ANKRD13D: variants seen among roughly 807,000 people sequenced by gnomAD.
ANKRD13D encodes the protein ankyrin repeat domain 13D, also known as ankyrin repeat domain-containing protein 13D.
Under a neutral mutation model 68.8 loss-of-function variants are expected in ANKRD13D, and 24 were observed. That is an observed-to-expected ratio of 0.35 (90% confidence interval 0.25 to 0.49). ANKRD13D has a LOEUF of 0.49. ANKRD13D is among the 20% of genes least tolerant of loss of function. ANKRD13D has a pLI of 0.99. For synonymous variants in ANKRD13D, 331 were observed against 336.1 expected (o/e 0.98, Z 0.16); for missense variants, 735 against 832.1 (o/e 0.88, Z 1.44).
Position 67,302,474 on chromosome 11 carries a change from C to A in ANKRD13D, c.*142C>A. ...GGAGACTGAGATGGAAATAAAGAGA[C>A]TGTCGCAGCAGGGCTGCTCTGCTCA... On this transcript the variant is annotated 3_prime_UTR_variant, in exon 15 of 15. Coordinates refer to ENST00000511455, the MANE Select transcript of ANKRD13D (RefSeq NM_207354.3). 1 of 1,288,864 alleles carries A rather than the reference C, an allele frequency of 7.8e-7. No homozygotes were observed. Among genetic ancestry groups the A allele is most frequent in the Non-Finnish European group, 1.0e-6 (1 of 971,182 alleles). 79.8% of individuals were successfully genotyped at this position (1,288,864 alleles called of 1,614,324 possible). A position where few individuals can be genotyped will look rare whatever the true frequency, so the allele number is the denominator to read the frequency against.
At chr11:67,295,420 A>T (rs1418251282) in intron 6 of ANKRD13D, among the ~76,000 whole-genome samples, 1 of 138,656 alleles carries the variant, frequency 7.2e-6, no homozygotes, top group Non-Finnish European at 1.6e-5. Context: ...CCATCTCAAA[A>T]AAAAAGGGGG....
chr11:67,301,957 A>G lies in ANKRD13D; in HGVS notation c.1604+134A>G. 2 of 1,329,226 alleles carry G rather than the reference A, an allele frequency of 1.5e-6. No individual in the cohort carries two copies. Among genetic ancestry groups the G allele is most frequent in the South Asian group, 3.0e-5 (2 of 66,918 alleles). The allele number at this position is 1,329,226 out of a possible 1,614,324, so 82.3% of individuals were successfully genotyped here. A position where few individuals can be genotyped will look rare whatever the true frequency, so the allele number is the denominator to read the frequency against. On this transcript the variant is annotated intron_variant, in intron 14 of 14. Transcript: ENST00000511455. The surrounding 1 kb of genome is among the most constrained non-coding windows in gnomAD (Gnocchi z 4.5). Reference sequence around the variant, plus strand: ...TCTGTCAGCAGCGCTATCTGCCACCAAAGGTGGTGTGAGGGGTGGGGAAGC... The same window carrying G: ...TCTGTCAGCAGCGCTATCTGCCACCGAAGGTGGTGTGAGGGGTGGGGAAGC...
chr11:67,298,156 T>G (rs893456304), intron 6 of ANKRD13D: 1 of 150,412 alleles, frequency 6.6e-6, no homozygotes, highest in Non-Finnish European at 1.5e-5. Context: ...CTGCCTCCGA[T>G]GTTCACGCCA....
At chr11:67,291,351 CAAAAAAAAAA>C in intron 3 of ANKRD13D, 115 bp from the exon 4 acceptor site, 1 of 496,172 alleles carries the variant, frequency 2.0e-6, no homozygotes, top group Non-Finnish European at 3.1e-6. Context: ...GAGCAAGTCT[CAAAAAAAAAA>C]AAAAAAAAAA....
Position 67,302,134 on chromosome 11 carries a change from C to A in ANKRD13D, c.1620C>A (p.Ser540Arg), listed in dbSNP as rs868040829. 1 of 1,582,308 alleles carries A rather than the reference C, an allele frequency of 6.3e-7. No individual in the cohort carries two copies. Among genetic ancestry groups the A allele is most frequent in the Non-Finnish European group, 8.6e-7 (1 of 1,164,236 alleles). The change falls in exon 15 of 15, where the codon AGC becomes AGA. Residue 540 changes from serine (S) to arginine (R), a missense_variant. Transcript: ENST00000511455. ...TGCCTGGAAGGGCCCTCCAGGAAAG[C>A]CTGCAGCTGTCCACAGAGCCCAGGG... is the stretch of plus-strand genomic sequence containing the variant. ...QLQLERALQE[S>R]LQLSTEPRGP... is the part of the protein sequence containing the mutation.
intron 6 of ANKRD13D, among the ~76,000 whole-genome samples, chr11:67,296,822 A>T (rs1278708115): frequency 1.3e-5 from 2 of 151,956 alleles, no homozygotes; most frequent in Non-Finnish European, 2.9e-5. Flanking sequence ...TGGTCTCACT[A>T]TGTCATCCAG....
chr11:67,290,491 A>T, intron 3 of ANKRD13D, 45 bp downstream of exon 3: 2 of 1,525,756 alleles, frequency 1.3e-6, no homozygotes, highest in Non-Finnish European at 1.8e-6. Context: ...ATGGCAGGGC[A>T]CCACCCTGGT....
Position 67,302,483 on chromosome 11 carries a change from CA to C in ANKRD13D, c.*152del. 1 of 1,211,872 alleles carries C rather than the reference CA, an allele frequency of 8.3e-7. No homozygotes were observed. Among genetic ancestry groups the C allele is most frequent in the Non-Finnish European group, 1.1e-6 (1 of 909,680 alleles). The allele number at this position is 1,211,872 out of a possible 1,614,324, so 75.1% of individuals were successfully genotyped here. A position where few individuals can be genotyped will look rare whatever the true frequency, so the allele number is the denominator to read the frequency against. ...GATGGAAATAAAGAGACTGTCGCAG[CA>C]GGGCTGCTCTGCTCACTGGGCTGGA... On this transcript the variant is annotated 3_prime_UTR_variant, in exon 15 of 15. Transcript: ENST00000511455.
In ANKRD13D at chr11:67,289,332, C is replaced by T. The variant is rs1407760008; in HGVS notation, c.-129C>T. ...TCCCTGCCGCCCGCGCTGCCGCCGC[C>T]GCCGCCGCCGCCGCTACTGCTGCGG... On this transcript the variant is annotated 5_prime_UTR_variant, in exon 1 of 15. Transcript: ENST00000511455. 7 of 499,094 alleles carry T rather than the reference C, an allele frequency of 1.4e-5. No individual in the cohort carries two copies. The highest frequency in any genetic ancestry group is 8.0e-5 in the South Asian group (1 of 12,528). The allele number at this position is 499,094 out of a possible 1,614,324, so 30.9% of individuals were successfully genotyped here.
chr11:67,289,992 A>G lies in ANKRD13D; in HGVS notation c.91-86A>G, dbSNP rs530432253. The stretch of plus-strand genomic sequence containing the variant: ...TCAGTCCGCCGTCCTTATTTCCCAC[A>G]GCGATTCCCAACCCTGCTCGCCCTG... On this transcript the variant is annotated intron_variant, in intron 1 of 14. Coordinates refer to ENST00000511455, the MANE Select transcript of ANKRD13D (RefSeq NM_207354.3). 11 of 1,468,276 alleles carry G rather than the reference A, an allele frequency of 7.5e-6. No individual in the cohort carries two copies. The South Asian group carries it at 1.5e-4, about 20-fold the overall frequency. The allele number at this position is 1,468,276 out of a possible 1,614,324, so 91.0% of individuals were successfully genotyped here.
Position 67,299,975 on chromosome 11 carries a change from G to A in ANKRD13D, c.943-18G>A, listed in dbSNP as rs765745556. Reference sequence around the variant, plus strand: ...CTCTGTCACCTTGATGGCTGAGTCCGCCCTGGGACCCACGCAGGCCCCCGT... The same window carrying A: ...CTCTGTCACCTTGATGGCTGAGTCCACCCTGGGACCCACGCAGGCCCCCGT... On this transcript the variant is annotated intron_variant, in intron 9 of 14. Coordinates refer to ENST00000511455, the MANE Select transcript of ANKRD13D (RefSeq NM_207354.3). This position sits in a 1 kb window ranked among gnomAD's most constrained non-coding sequence, Gnocchi z 6.2. The A allele has an allele frequency of 2.3e-5, 37 of 1,605,624 alleles. No individual in the cohort carries two copies. Among genetic ancestry groups the A allele is most frequent in the Non-Finnish European group, 2.7e-5 (32 of 1,174,678 alleles).
intron 6 of ANKRD13D, among the ~76,000 whole-genome samples, chr11:67,294,807 G>A (rs1860701565): frequency 6.6e-6 from 1 of 152,072 alleles, no homozygotes; most frequent in Non-Finnish European, 1.5e-5. Flanking sequence ...ACCGTGCCTG[G>A]CCACTAAGGG....
At chr11:67,289,623 C>CCCCCCCCCCCCCCCCCCCCCCCCA in intron 1 of ANKRD13D, 73 bp downstream of exon 1, 1 of 652,336 alleles carries the variant, frequency 1.5e-6, no homozygotes, top group Non-Finnish European at 1.9e-6. Context: ...GTCCTGGAGC[C>CCCCCCCCCCCCCCCCCCCCCCCCA]CCCCCCCCCC....
intron 4 of ANKRD13D, 29 bp downstream of exon 4, chr11:67,291,550 A>G: frequency 6.2e-7 from 1 of 1,613,650 alleles, no homozygotes; most frequent in South Asian, 1.1e-5. Context: ...GCTCCCAGGG[A>G]TTTGGGGTGG....
In ANKRD13D at chr11:67,301,449, C is replaced by T. The variant is rs368504536; in HGVS notation, c.1349-39C>T. On this transcript the variant is annotated intron_variant, in intron 12 of 14. Coordinates refer to ENST00000511455, the MANE Select transcript of ANKRD13D (RefSeq NM_207354.3). The surrounding 1 kb of genome is among the most constrained non-coding windows in gnomAD (Gnocchi z 4.5). ...CCTGCACAGCTTTCTGGTCACCAAG[C>T]CCCGCGGGTTGAGCGTGGCCCCTCT... The T allele has an allele frequency of 3.7e-5, 59 of 1,607,080 alleles. No individual in the cohort carries two copies. The highest frequency in any genetic ancestry group is 4.4e-5 in the Non-Finnish European group (52 of 1,176,058).
chr11:67,290,258 G>T, intron 2 of ANKRD13D, 45 bp downstream of exon 2: 2 of 1,545,378 alleles, frequency 1.3e-6, no homozygotes, highest in Non-Finnish European at 1.7e-6. Context: ...GGCAGGCGGG[G>T]GGCAGTGAGC....
At position 67,290,205 on chromosome 11, in the gene ANKRD13D, G is replaced by T; in HGVS notation, c.218G>T (p.Gly73Val). 5 of 1,539,190 alleles carry T rather than the reference G, an allele frequency of 3.2e-6. No individual in the cohort carries two copies. Among genetic ancestry groups the T allele is most frequent in the Non-Finnish European group, 4.4e-6 (5 of 1,146,884 alleles). Residue 73 changes from glycine (G) to valine (V), a missense_variant, in exon 2 of 15, where the codon GGC becomes GTC. Transcript: ENST00000511455. ...AACGTGGGCAAAGAGAACCGCCAGG[G>T]CTGGGCAGGTACTGCAGAGGACAAG... ...NANVGKENRQ[G>V]WAVLQEAVST...
At position 67,301,330 on chromosome 11, in the gene ANKRD13D, T is replaced by C; in HGVS notation, c.1280T>C (p.Leu427Pro). Reference sequence around the variant, plus strand: ...AATGCCCGCATCACCTTCAGCAACCTGTGTGGCTGTGATGAGCCCCTGAGC... The same window carrying C: ...AATGCCCGCATCACCTTCAGCAACCCGTGTGGCTGTGATGAGCCCCTGAGC... The part of the protein sequence containing the change: ...VLNARITFSN[L>P]CGCDEPLSSV... The change falls in exon 12 of 15, where the codon CTG becomes CCG. Residue 427 changes from leucine (L) to proline (P), a missense_variant. Coordinates refer to ENST00000511455, the MANE Select transcript of ANKRD13D (RefSeq NM_207354.3). The surrounding 1 kb of genome is among the most constrained non-coding windows in gnomAD (Gnocchi z 4.5). The C allele has an allele frequency of 6.2e-7, 1 of 1,613,740 alleles. No individual in the cohort carries two copies. Among genetic ancestry groups the C allele is most frequent in the Non-Finnish European group, 8.5e-7 (1 of 1,179,868 alleles).
intron 6 of ANKRD13D, among the ~76,000 whole-genome samples, chr11:67,296,121 T>G (rs1181454571): frequency 3.9e-5 from 6 of 152,218 alleles, no homozygotes; most frequent in Non-Finnish European, 7.3e-5. Flanking sequence ...TTTGGTTGGT[T>G]CGTATTTTGT....
Sources: allele counts gnomAD v4.1 joint callset (sites outside exome capture counted in the v4.1 genomes callset), GRCh38; gene constraint gnomAD v4.1.1; non-coding constraint Gnocchi (gnomAD v3.1); transcripts MANE v1.5; gene names NCBI Gene and HGNC (gene_info 2026-07-23, HGNC 2026-07-21).